The following ATE1 variants were observed in gnomAD, a reference collection of about 807,000 sequenced individuals.
The protein encoded by ATE1 is arginyltransferase 1, also known as arginyl-tRNA--protein transferase 1.
A neutral mutation model predicts 70.5 loss-of-function variants in ATE1; 36 were observed. That is an observed-to-expected ratio of 0.51 (90% CI 0.39 to 0.67). The LOEUF (loss-of-function observed/expected upper bound fraction) is 0.67, where lower values mean the gene tolerates loss of function less well. Among genes scored for constraint, ATE1 ranks in the 30% least tolerant of loss-of-function variants. ATE1 has a pLI of 0.00. For synonymous variants in ATE1, 232 were observed against 219.3 expected, an observed-to-expected ratio of 1.06 and a Z score of -0.51; for missense variants, 593 against 629.5, an observed-to-expected ratio of 0.94 and a Z score of 0.62.
Position 121,743,668 on chromosome 10 carries a change from G to A in ATE1, c.*12C>T. The A allele has an allele frequency of 6.3e-7, 1 of 1,597,568 alleles. No homozygotes were observed. The highest frequency in any genetic ancestry group is 1.3e-5 in the African/African-American group (1 of 74,416). On this transcript the variant is annotated 3_prime_UTR_variant, in exon 12 of 12. Transcript: ENST00000224652. Reference sequence around the variant, plus strand: ...AGCACAACACAGGAACTTCCCGGCAGAGGTGAACAGGTCAGTTTCTGAACA... The same window carrying A: ...AGCACAACACAGGAACTTCCCGGCAAAGGTGAACAGGTCAGTTTCTGAACA...
intron 10 of ATE1, among the ~76,000 whole-genome samples, chr10:121,800,014 C>A (rs1166929410): frequency 2.0e-5 from 3 of 152,068 alleles, no homozygotes; most frequent in African/African-American, 4.8e-5. Context: ...GATAGTAAAT[C>A]CAGAAATATG....
intron 1 of ATE1, chr10:121,927,248 G>C (rs1952130293): frequency 1.0e-6 from 1 of 985,346 alleles, no homozygotes; most frequent in South Asian, 4.7e-5. Flanking sequence ...CGGCATATAA[G>C]CAAATGGTAA....
intron 5 of ATE1, among the ~76,000 whole-genome samples, 170 bp from the exon 6 acceptor site, chr10:121,902,790 C>T (rs1024515189): frequency 4.6e-5 from 7 of 152,186 alleles, no homozygotes; most frequent in Non-Finnish European, 1.0e-4. Flanking sequence ...ATCTAAAATT[C>T]TACCTTAGAA....
chr10:121,829,860 C>T (rs745442419), intron 10 of ATE1, among the ~76,000 whole-genome samples: 3 of 152,162 alleles, frequency 2.0e-5, no homozygotes, highest in Non-Finnish European at 2.9e-5. Flanking sequence ...TAGTGCTTTA[C>T]ATACTTTCAT....
rs150462355 is a variant in ATE1 at position 121,798,514 on chromosome 10, C to T, written c.1258-8225G>A. On this transcript the variant is annotated intron_variant, in intron 10 of 11. Transcript: ENST00000224652. ...CCACTTTGGTGGGTAACAACAAAGA[C>T]AATAATTACTTCTCTCTGTATTTGT... 1.2e-3 allele frequency among the ~76,000 whole-genome samples: 180 copies of T among 152,268 alleles called. 1 individual carries two copies. The highest frequency in any genetic ancestry group is 0.01 in the Middle Eastern group (3 of 294).
intron 7 of ATE1, among the ~76,000 whole-genome samples, chr10:121,893,016 C>A (rs967400694): frequency 6.6e-6 from 1 of 152,084 alleles, no homozygotes; most frequent in African/African-American, 2.4e-5. Flanking sequence ...CGGTGGCTTA[C>A]GCTTGTAATC....
chr10:121,903,203 T>A (rs4495838), intron 5 of ATE1, among the ~76,000 whole-genome samples: 146,884 of 151,734 alleles, frequency 0.97, 71,124 homozygotes, highest in South Asian at 0.99. Flanking sequence ...TATCTTTTTT[T>A]AAAAAAAAAC....
At chr10:121,891,807 T>A (rs1950588116) in intron 7 of ATE1, among the ~76,000 whole-genome samples, 1 of 152,224 alleles carries the variant, frequency 6.6e-6, no homozygotes, top group South Asian at 2.1e-4. Context: ...AACTGTTTTT[T>A]ACTTTAAATG....
chr10:121,750,732 G>A (rs1412638136), intron 11 of ATE1, among the ~76,000 whole-genome samples: 1 of 152,138 alleles, frequency 6.6e-6, no homozygotes, highest in Non-Finnish European at 1.5e-5. Flanking sequence ...ATTATTTACT[G>A]CTACATACAG....
intron 10 of ATE1, among the ~76,000 whole-genome samples, chr10:121,829,224 A>G (rs1158684823): frequency 6.6e-6 from 1 of 152,146 alleles, no homozygotes; most frequent in Non-Finnish European, 1.5e-5. Flanking sequence ...AGAGATCGAG[A>G]CCATCCTGGC....
upstream of ATE1, chr10:121,928,205 G>A (rs919394778): frequency 7.5e-7 from 1 of 1,327,340 alleles, no homozygotes; most frequent in Non-Finnish European, 9.7e-7. Flanking sequence ...GAGGCGGAGA[G>A]ACAGAGCGGG....
chr10:121,858,701 T>A (rs999075905), intron 8 of ATE1, among the ~76,000 whole-genome samples: 4 of 135,308 alleles, frequency 3.0e-5, no homozygotes, highest in Admixed American at 7.6e-5. Context: ...TATATTTTTT[T>A]AATATATTAT....
rs7917170 is a variant in ATE1 at position 121,873,332 on chromosome 10, C to T, written c.943-3294G>A. On this transcript the variant is annotated intron_variant, in intron 7 of 11. Coordinates refer to ENST00000224652, the MANE Select transcript of ATE1 (RefSeq NM_001001976.3). ...ACCATTTTCAAAATCCTCTAGGCCT[C>T]TAAAAAGAAAAAGGATACACACAGA... Among the ~76,000 whole-genome samples the T allele has an allele frequency of 7.9e-3, 1,197 of 152,184 alleles. 18 individuals carry two copies. Among genetic ancestry groups the T allele is most frequent in the African/African-American group, 0.028 (1,157 of 41,542 alleles).
intron 8 of ATE1, among the ~76,000 whole-genome samples, chr10:121,841,993 G>C (rs1948647978): frequency 6.6e-6 from 1 of 152,210 alleles, no homozygotes; most frequent in Admixed American, 6.5e-5. Context: ...AAAAATATGA[G>C]GAACATAAAA....
intron 10 of ATE1, among the ~76,000 whole-genome samples, chr10:121,826,410 A>G (rs1948015219): frequency 1.3e-5 from 2 of 152,140 alleles, no homozygotes; most frequent in African/African-American, 4.8e-5. Context: ...GGTTCAAGCA[A>G]TTCTCCTGCC....
At chr10:121,814,128 TA>T (rs1314446487) in intron 10 of ATE1, among the ~76,000 whole-genome samples, 1 of 152,124 alleles carries the variant, frequency 6.6e-6, no homozygotes, top group Non-Finnish European at 1.5e-5. Context: ...AGATCAATCG[TA>T]AATCATACAT....
intron 11 of ATE1, among the ~76,000 whole-genome samples, chr10:121,745,733 A>G (rs1362654626): frequency 1.7e-5 from 1 of 60,406 alleles, no homozygotes; most frequent in Admixed American, 1.6e-4. Flanking sequence ...TCTCAAAACA[A>G]ACAAAAAAAA....
rs972900062 is a variant in ATE1 at position 121,765,432 on chromosome 10, T to C, written c.1379-21574A>G. On this transcript the variant is annotated intron_variant, in intron 11 of 11. Coordinates refer to ENST00000224652, the MANE Select transcript of ATE1 (RefSeq NM_001001976.3). Reference sequence around the variant, plus strand: ...TCAAATCGTGGGGAGGTTTAAACTATGCTAACATTCAGAATATACTGCAGA... The same window carrying C: ...TCAAATCGTGGGGAGGTTTAAACTACGCTAACATTCAGAATATACTGCAGA... Among the ~76,000 whole-genome samples the C allele has an allele frequency of 9.9e-5, 15 of 152,228 alleles. No individual in the cohort carries two copies. The East Asian group carries it at 1.2e-3, about 12-fold the overall frequency.
intron 5 of ATE1, among the ~76,000 whole-genome samples, chr10:121,908,330 C>A (rs545771789): frequency 1.3e-5 from 2 of 152,066 alleles, no homozygotes; most frequent in African/African-American, 2.4e-5. Flanking sequence ...ATGGCTAAAC[C>A]CCGTCTCTAC....
Sources: allele counts gnomAD v4.1 joint callset (sites outside exome capture counted in the v4.1 genomes callset), GRCh38; gene constraint gnomAD v4.1.1; transcripts MANE v1.5; gene names NCBI Gene and HGNC (gene_info 2026-07-23, HGNC 2026-07-21).